The following DOCK4 variants were observed in gnomAD, a reference collection of about 807,000 sequenced individuals.
DOCK4 encodes the protein dedicator of cytokinesis 4.
In DOCK4, 97 loss-of-function variants were observed where a neutral mutation model predicts 268.1. The observed-to-expected ratio is 0.36, with a 90% CI of 0.31 to 0.43. The LOEUF (loss-of-function observed/expected upper bound fraction) is 0.43, where lower values mean the gene tolerates loss of function less well. Ranked by LOEUF, DOCK4 falls within the 20% of genes least tolerant of loss-of-function variation. DOCK4 has a pLI of 1.00. For missense variants in DOCK4, 2,145 were observed against 2,455.7 expected, an observed-to-expected ratio of 0.87 and a Z score of 2.67; for synonymous variants, 954 against 887.2, an observed-to-expected ratio of 1.08 and a Z score of -1.34.
intron 13 of DOCK4, among the ~76,000 whole-genome samples, chr7:111,914,667 A>G (rs537427938): frequency 6.6e-6 from 1 of 152,150 alleles, no homozygotes; most frequent in African/African-American, 2.4e-5. Flanking sequence ...TCTCACCTAA[A>G]TTTCTTACCT....
chr7:112,020,844 G>A (rs1243195342), intron 1 of DOCK4, among the ~76,000 whole-genome samples: 3 of 152,140 alleles, frequency 2.0e-5, no homozygotes, highest in African/African-American at 4.8e-5. Flanking sequence ...CAGAACTCTG[G>A]TAAAACATGA....
intron 24 of DOCK4, 129 bp from the exon 25 acceptor site, chr7:111,845,026 T>C (rs1197683468): frequency 3.1e-6 from 4 of 1,296,914 alleles, no homozygotes; most frequent in Non-Finnish European, 4.2e-6. Flanking sequence ...TGATCTCCTT[T>C]TACAGTAAAC....
At chr7:112,144,727 G>A (rs1044645031) in intron 1 of DOCK4, among the ~76,000 whole-genome samples, 8 of 152,140 alleles carry the variant, frequency 5.3e-5, no homozygotes, top group Admixed American at 4.6e-4. Context: ...AGTAGTTTTT[G>A]CAAACATCTT....
At position 111,915,762 on chromosome 7, in the gene DOCK4, C is replaced by G. The variant is rs368057221; in HGVS notation, c.1192+17G>C. Reference sequence around the variant, plus strand: ...ATACCCATATTTCATCATATCGGTACGTCCCAAGTCACCTACCAGGCATAA... The same window carrying G: ...ATACCCATATTTCATCATATCGGTAGGTCCCAAGTCACCTACCAGGCATAA... On this transcript the variant is annotated intron_variant, in intron 13 of 52. Coordinates refer to ENST00000428084, the MANE Select transcript of DOCK4 (RefSeq NM_001363540.2). The G allele has an allele frequency of 1.2e-6, 2 of 1,610,748 alleles. No individual in the cohort carries two copies.
chr7:111,803,666 G>A (rs1209816261), intron 30 of DOCK4, among the ~76,000 whole-genome samples: 1 of 152,172 alleles, frequency 6.6e-6, no homozygotes, highest in Non-Finnish European at 1.5e-5. Flanking sequence ...GAACATTCTA[G>A]TAAAGACTAA....
In DOCK4 at chr7:111,863,618, G is replaced by C. The variant is rs1177699875; in HGVS notation, c.2281-54C>G. ...CTCCCAGATACGCCATGAGAAATATGCTGCAAAACGTCAGTGAGTTTAAGG... is the reference window on the plus strand; with the variant it reads ...CTCCCAGATACGCCATGAGAAATATCCTGCAAAACGTCAGTGAGTTTAAGG... On this transcript the variant is annotated intron_variant, in intron 22 of 52. Coordinates refer to ENST00000428084, the MANE Select transcript of DOCK4 (RefSeq NM_001363540.2). The C allele has an allele frequency of 3.4e-6, 5 of 1,487,788 alleles. No individual in the cohort carries two copies. In the African/African-American group the frequency reaches 7.0e-5, roughly 21 times the overall value. 92.2% of individuals were successfully genotyped at this position (1,487,788 alleles called of 1,614,324 possible).
At chr7:111,768,406 A>C (rs1232969154) in intron 37 of DOCK4, among the ~76,000 whole-genome samples, 1 of 152,246 alleles carries the variant, frequency 6.6e-6, no homozygotes, top group African/African-American at 2.4e-5. Flanking sequence ...GGAAGAAGCA[A>C]CTTCCTTGCA....
chr7:111,876,052 G>A (rs1418388503), intron 17 of DOCK4, among the ~76,000 whole-genome samples: 3 of 152,004 alleles, frequency 2.0e-5, no homozygotes, highest in Non-Finnish European at 4.4e-5. Flanking sequence ...CTTCTATGGG[G>A]GTAAACTGGC....
intron 1 of DOCK4, among the ~76,000 whole-genome samples, chr7:112,120,901 G>C (rs2115892741): frequency 6.6e-6 from 1 of 152,106 alleles, no homozygotes; most frequent in East Asian, 1.9e-4. Context: ...AATTATCAAA[G>C]TTAGGTCACT....
chr7:112,036,684 G>A (rs1381102207), intron 1 of DOCK4, among the ~76,000 whole-genome samples: 1 of 147,600 alleles, frequency 6.8e-6, no homozygotes, highest in East Asian at 2.0e-4. Context: ...TTCCGGAGAC[G>A]GAGTCTCGCT....
intron 38 of DOCK4, 58 bp downstream of exon 38, chr7:111,766,974 G>T: frequency 7.4e-7 from 1 of 1,357,118 alleles, no homozygotes; most frequent in African/African-American, 1.4e-5. Context: ...GAACCACACT[G>T]GAAAGCTAAT....
chr7:112,148,763 G>C lies in DOCK4; in HGVS notation c.37+57339C>G, dbSNP rs138171381. On this transcript the variant is annotated intron_variant, in intron 1 of 52. Transcript: ENST00000428084. ...TTTTTGGTTAAGAGCCCCTGCCACA[G>C]AGTAATGCTTCCCAGATCCTAAAAT... Among the ~76,000 whole-genome samples the C allele has an allele frequency of 3.0e-4, 46 of 152,220 alleles. 1 individual carries two copies. The East Asian group carries it at 8.9e-3, about 29-fold the overall frequency.
intron 16 of DOCK4, among the ~76,000 whole-genome samples, chr7:111,889,543 A>G (rs1808122079): frequency 6.6e-6 from 1 of 152,170 alleles, no homozygotes; most frequent in South Asian, 2.1e-4. Context: ...AGAGAACAGT[A>G]GCTTCTACCT....
chr7:111,809,262 G>A (rs764274250), intron 29 of DOCK4, 39 bp downstream of exon 29: 12 of 1,435,814 alleles, frequency 8.4e-6, no homozygotes, highest in Non-Finnish European at 1.2e-5. Context: ...TACTCTTTAA[G>A]AGGCAACATT....
intron 1 of DOCK4, among the ~76,000 whole-genome samples, chr7:112,020,621 G>A (rs1303416701): frequency 1.3e-5 from 2 of 150,248 alleles, no homozygotes; most frequent in Non-Finnish European, 2.9e-5. Context: ...AGACCATGTG[G>A]CACAGAAGAT....
At chr7:111,771,102 GTT>G (rs926434105) in intron 36 of DOCK4, among the ~76,000 whole-genome samples, 1 of 152,192 alleles carries the variant, frequency 6.6e-6, no homozygotes, top group African/African-American at 2.4e-5. Context: ...AATGATCATG[GTT>G]AAAACCAGTC....
At chr7:111,997,031 T>C (rs986058098) in intron 4 of DOCK4, among the ~76,000 whole-genome samples, 1 of 152,170 alleles carries the variant, frequency 6.6e-6, no homozygotes, top group Non-Finnish European at 1.5e-5. Flanking sequence ...ACAGGCTTGC[T>C]CAAAAGGACA....
intron 8 of DOCK4, among the ~76,000 whole-genome samples, chr7:111,955,342 T>C (rs975243108): frequency 2.0e-5 from 3 of 152,200 alleles, no homozygotes; most frequent in African/African-American, 4.8e-5. Context: ...AAAGAGGAGA[T>C]AGATGATGTT....
intron 1 of DOCK4, among the ~76,000 whole-genome samples, chr7:112,157,354 C>T (rs1413520018): frequency 4.6e-5 from 7 of 151,930 alleles, no homozygotes; most frequent in Non-Finnish European, 8.8e-5. Context: ...CTGCCCTGGA[C>T]ATGGTACACT....
Sources: allele counts gnomAD v4.1 joint callset (sites outside exome capture counted in the v4.1 genomes callset), GRCh38; gene constraint gnomAD v4.1.1; transcripts MANE v1.5; gene names NCBI Gene and HGNC (gene_info 2026-07-23, HGNC 2026-07-21).